Variants in CNTNAP2 observed in about 807,000 individuals in gnomAD.
The protein encoded by CNTNAP2 is contactin-associated protein-like 2.
A neutral mutation model predicts 155.2 loss-of-function variants in CNTNAP2; 98 were observed. The observed-to-expected ratio is 0.63, with a 90% CI of 0.54 to 0.75. The LOEUF is 0.75. CNTNAP2 is among the 30% of genes least tolerant of loss of function. The pLI is 0.00. For synonymous variants in CNTNAP2, 651 were observed against 631.2 expected (o/e 1.03, Z -0.47); for missense variants, 1,727 against 1,688.1 (o/e 1.02, Z -0.40).
intron 9 of CNTNAP2, among the ~76,000 whole-genome samples, chr7:147,368,924 A>G (rs1311805547): frequency 6.6e-6 from 1 of 152,164 alleles, no homozygotes; most frequent in Non-Finnish European, 1.5e-5. Context: ...CACAGTAGAG[A>G]TACAGTTATT....
chr7:146,538,991 A>G (rs937260223), intron 1 of CNTNAP2, among the ~76,000 whole-genome samples: 1 of 152,114 alleles, frequency 6.6e-6, no homozygotes, highest in East Asian at 1.9e-4. Context: ...GGGTAATGAA[A>G]ATACCTGTAT....
At chr7:147,939,201 A>C (rs1212329877) in intron 14 of CNTNAP2, among the ~76,000 whole-genome samples, 1 of 152,220 alleles carries the variant, frequency 6.6e-6, no homozygotes, top group Non-Finnish European at 1.5e-5. Context: ...AAACCTAAAA[A>C]ATAGGGAAGA....
intron 10 of CNTNAP2, among the ~76,000 whole-genome samples, chr7:147,465,189 A>G (rs1354366440): frequency 1.3e-5 from 2 of 152,216 alleles, no homozygotes; most frequent in Non-Finnish European, 2.9e-5. Flanking sequence ...GACATGGTTG[A>G]AAAACTACCT....
intron 11 of CNTNAP2, among the ~76,000 whole-genome samples, chr7:147,516,964 C>T (rs1799140243): frequency 6.6e-6 from 1 of 150,434 alleles, no homozygotes; most frequent in Non-Finnish European, 1.5e-5. Flanking sequence ...CGGATTCAAG[C>T]GATTCCCCTG....
At chr7:147,442,658 A>G (rs1797662750) in intron 10 of CNTNAP2, among the ~76,000 whole-genome samples, 1 of 152,166 alleles carries the variant, frequency 6.6e-6, no homozygotes, top group African/African-American at 2.4e-5. Context: ...CAAGGCCCTC[A>G]GTGTAGTACC....
At chr7:146,777,723 C>A (rs945851252) in intron 2 of CNTNAP2, among the ~76,000 whole-genome samples, 8 of 152,024 alleles carry the variant, frequency 5.3e-5, no homozygotes, top group Admixed American at 5.2e-4. Flanking sequence ...GCCCACCATG[C>A]CTGGCTGATT....
intron 1 of CNTNAP2, among the ~76,000 whole-genome samples, chr7:146,511,436 G>C (rs1003487396): frequency 1.4e-4 from 21 of 152,118 alleles, no homozygotes; most frequent in African/African-American, 5.1e-4. Context: ...GTCACGTAAG[G>C]CTTTATTGTT....
chr7:147,354,560 C>T (rs1796029532), intron 9 of CNTNAP2, among the ~76,000 whole-genome samples: 6 of 152,000 alleles, frequency 3.9e-5, no homozygotes, highest in Admixed American at 3.3e-4. Flanking sequence ...AGTTTGAAGC[C>T]AGGTAGTGTG....
At chr7:147,456,632 A>G (rs1376273800) in intron 10 of CNTNAP2, among the ~76,000 whole-genome samples, 2 of 152,146 alleles carry the variant, frequency 1.3e-5, no homozygotes, top group Admixed American at 6.6e-5. Flanking sequence ...CATGGGGAAG[A>G]GGGAAATTTG....
chr7:147,059,535 C>G (rs887100876), intron 4 of CNTNAP2, among the ~76,000 whole-genome samples: 1 of 151,752 alleles, frequency 6.6e-6, no homozygotes, highest in African/African-American at 2.4e-5. Flanking sequence ...TAGTACTATC[C>G]CCATGCTTGC....
intron 8 of CNTNAP2, among the ~76,000 whole-genome samples, chr7:147,228,891 G>T (rs753347460): frequency 1.3e-5 from 2 of 149,582 alleles, no homozygotes. Context: ...CCACTTATGA[G>T]TGAAAACATG....
intron 1 of CNTNAP2, among the ~76,000 whole-genome samples, chr7:146,311,247 T>C (rs769761023): frequency 6.6e-6 from 1 of 152,128 alleles, no homozygotes; most frequent in African/African-American, 2.4e-5. Context: ...TCTGTTTAGT[T>C]GGACAAATGA....
chr7:147,338,250 C>T (rs2116854553), intron 9 of CNTNAP2, among the ~76,000 whole-genome samples: 1 of 152,244 alleles, frequency 6.6e-6, no homozygotes, highest in South Asian at 2.1e-4. Context: ...CTCATGAGAA[C>T]TCACTATCAC....
chr7:147,141,050 T>A (rs887999855), intron 8 of CNTNAP2, among the ~76,000 whole-genome samples: 4 of 152,194 alleles, frequency 2.6e-5, no homozygotes, highest in Non-Finnish European at 4.4e-5. Context: ...CTAAAGCCTT[T>A]GCATTAATTA....
At position 146,472,094 on chromosome 7, in the gene CNTNAP2, C is replaced by T. The variant is rs567773213; in HGVS notation, c.98-302177C>T. Among the ~76,000 whole-genome samples, 8 of 152,276 alleles carry T rather than the reference C, an allele frequency of 5.3e-5. No individual in the cohort carries two copies. In the East Asian group the frequency reaches 5.8e-4, roughly 11 times the overall value. On this transcript the variant is annotated intron_variant, in intron 1 of 23. Transcript: ENST00000361727. Reference sequence around the variant, plus strand: ...GCTCAATTTAACTTTCCTACATTATCGTCATTCTGCAAATGCACCGTTACA... The same window carrying T: ...GCTCAATTTAACTTTCCTACATTATTGTCATTCTGCAAATGCACCGTTACA...
rs1795648324 is a variant in CNTNAP2, at chr7:146,885,931, GT to G, written c.402+46028del. 3.5e-4 allele frequency among the ~76,000 whole-genome samples: 4 copies of G among 11,342 alleles called. No individual in the cohort carries two copies. The African/African-American group carries it at 4.3e-3, about 12-fold the overall frequency. The allele number at this position is 11,342 out of a possible 152,430, so 7.4% of individuals were successfully genotyped here. ...TAACTCTGAATATATGTAAGTCGGTGTGTGTGTGTGTGTGTGTGTGTGTGTG... is the reference window on the plus strand; with the variant it reads ...TAACTCTGAATATATGTAAGTCGGTGGTGTGTGTGTGTGTGTGTGTGTGTG... On this transcript the variant is annotated intron_variant, in intron 3 of 23. Transcript: ENST00000361727.
At chr7:148,398,720 C>T (rs1390590319) in intron 22 of CNTNAP2, among the ~76,000 whole-genome samples, 1 of 152,188 alleles carries the variant, frequency 6.6e-6, no homozygotes, top group East Asian at 1.9e-4. Flanking sequence ...AGCCATACAT[C>T]ATGGAAGTCC....
intron 3 of CNTNAP2, among the ~76,000 whole-genome samples, chr7:146,875,955 AAAAAAAC>A (rs1165085789): frequency 9.3e-5 from 13 of 139,076 alleles, no homozygotes; most frequent in East Asian, 4.0e-4. Flanking sequence ...AAAAAAAAAA[AAAAAAAC>A]AAAAAACAAA....
At chr7:148,388,508 T>C (rs1441437415) in intron 22 of CNTNAP2, among the ~76,000 whole-genome samples, 1 of 152,106 alleles carries the variant, frequency 6.6e-6, no homozygotes, top group East Asian at 1.9e-4. Flanking sequence ...TAGTCCATGG[T>C]GTATATGTGC....
Sources: gnomAD v4.1 joint callset for allele counts (sites outside exome capture counted in the v4.1 genomes callset) on GRCh38, gnomAD v4.1.1 for gene constraint, MANE v1.5 for transcripts, NCBI Gene and HGNC (gene_info 2026-07-23, HGNC 2026-07-21) for gene names.